The following AEN variants were observed in gnomAD, a reference collection of about 807,000 sequenced individuals.
AEN encodes apoptosis-enhancing nuclease.
In AEN, 21 loss-of-function variants were observed where a neutral mutation model predicts 17.7. The observed-to-expected ratio is 1.19, with a 90% CI of 0.84 to 1.71. The LOEUF is 1.71. Ranked by LOEUF, AEN falls within the 40% of genes most tolerant of loss-of-function variation. The pLI, the probability that AEN is intolerant of heterozygous loss-of-function variation, is 0.00. For missense variants in AEN, 462 were observed against 435.9 expected (o/e 1.06, Z -0.53); for synonymous variants, 190 against 173.0 (o/e 1.10, Z -0.77).
rs558175862 is a variant in AEN at position 88,626,043 on chromosome 15, C to A, written c.-64-103C>A. Reference sequence around the variant, plus strand: ...GAGCCACGAGCTACGGTGCAGGGCTCTCGGGCATCCCCACCGTGGTGCACT... The same window carrying A: ...GAGCCACGAGCTACGGTGCAGGGCTATCGGGCATCCCCACCGTGGTGCACT... On this transcript the variant is annotated intron_variant, in intron 1 of 3. Coordinates refer to ENST00000332810, the MANE Select transcript of AEN (RefSeq NM_022767.4). 6.8e-4 allele frequency: 486 copies of A among 717,408 alleles called. 2 individuals are homozygous for A. Among genetic ancestry groups the A allele is most frequent in the Non-Finnish European group, 9.4e-4 (449 of 477,898 alleles). 44.4% of individuals were successfully genotyped at this position (717,408 alleles called of 1,614,324 possible). A position where few individuals can be genotyped will look rare whatever the true frequency, so the allele number is the denominator to read the frequency against.
chr15:88,629,687 C>T (rs2057902521), intron 3 of AEN, among the ~76,000 whole-genome samples: 1 of 152,196 alleles, frequency 6.6e-6, no homozygotes, highest in Admixed American at 6.5e-5. Flanking sequence ...AGATCTGTCC[C>T]CTCCCTAACT....
At chr15:88,613,697 GGCTCCACTGCTTACGAGCTGTGTGACTTT>G in the AEN span, among the ~76,000 whole-genome samples, 2 of 152,108 alleles carry the variant, frequency 1.3e-5, no homozygotes, top group African/African-American at 4.8e-5. Flanking sequence ...TTTCAATCTT[GGCTCCACTGCTTACGAGCTGTGTGACTTT>G]GAGTCAGTCA....
At chr15:88,629,959 G>C (rs1355272551) in intron 3 of AEN, 99 bp from the exon 4 acceptor site, 2 of 1,070,380 alleles carry the variant, frequency 1.9e-6, no homozygotes, top group Non-Finnish European at 2.8e-6. Context: ...ACGTATTCTT[G>C]GGCCTGCACA....
upstream of AEN, among the ~76,000 whole-genome samples, chr15:88,619,660 C>T (rs2057765661): frequency 6.6e-6 from 1 of 152,124 alleles, no homozygotes; most frequent in Non-Finnish European, 1.5e-5. Flanking sequence ...TGCATTCCAG[C>T]CTGGGTGACA....
At chr15:88,609,564 T>C in the AEN span, among the ~76,000 whole-genome samples, 1 of 152,164 alleles carries the variant, frequency 6.6e-6, no homozygotes, top group Non-Finnish European at 1.5e-5. Flanking sequence ...GAGGAAACCA[T>C]GGAAACAAGC....
At chr15:88,617,346 G>C (rs148658363), upstream of AEN, among the ~76,000 whole-genome samples, 1 of 152,146 alleles carries the variant, frequency 6.6e-6, no homozygotes, top group East Asian at 1.9e-4. Flanking sequence ...CTCTATCTCC[G>C]GGGTGCAGGA....
chr15:88,622,711 A>G (rs1022248798), intron 1 of AEN, among the ~76,000 whole-genome samples: 1 of 152,182 alleles, frequency 6.6e-6, no homozygotes, highest in Non-Finnish European at 1.5e-5. Flanking sequence ...TCATGGGTTT[A>G]ATTTTAACTA....
upstream of AEN, among the ~76,000 whole-genome samples, chr15:88,620,645 G>A (rs1596025049): frequency 6.6e-6 from 1 of 151,920 alleles, no homozygotes; most frequent in East Asian, 1.9e-4. Flanking sequence ...CTGACTTCAG[G>A]TGATCACCTG....
At chr15:88,621,312 G>T (rs886303132), upstream of AEN, 3 of 152,522 alleles carry the variant, frequency 2.0e-5, no homozygotes, top group South Asian at 4.1e-4. Context: ...AGCCGGGCTT[G>T]CCCGGGCATG....
chr15:88,614,156 T>A, the AEN span, among the ~76,000 whole-genome samples: 1 of 152,194 alleles, frequency 6.6e-6, no homozygotes, highest in Non-Finnish European at 1.5e-5. Flanking sequence ...TTGTGACTTA[T>A]CTCTTGGTCA....
rs772270568 is a variant in AEN, at chr15:88,630,059, T to A, written c.743T>A (p.Val248Glu). The A allele has an allele frequency of 5.0e-6, 8 of 1,613,856 alleles. No individual in the cohort carries two copies. Among genetic ancestry groups the A allele is most frequent in the Non-Finnish European group, 6.8e-6 (8 of 1,179,992 alleles). Residue 248 changes from valine to glutamate, a missense_variant and splice_region_variant, in exon 4 of 4, where the codon GTG becomes GAG. Val to Glu is a moderately radical substitution (Grantham distance 121). Coordinates refer to ENST00000332810, the MANE Select transcript of AEN (RefSeq NM_022767.4). The surrounding 1 kb of genome is among the most constrained non-coding windows in gnomAD (Gnocchi z 5.1). ...ALQLLHKKIQ[V>E]GQHGHSSVED... ...TGATGTGTTGGCTCTCGTCAGTAGG[T>A]GGGCCAGCACGGGCACTCATCAGTA...
intron 1 of AEN, among the ~76,000 whole-genome samples, chr15:88,625,212 C>T (rs1245974830): frequency 1.3e-5 from 2 of 152,184 alleles, no homozygotes; most frequent in East Asian, 3.8e-4. Context: ...TGAATTACAA[C>T]GTCAGGTAAA....
At chr15:88,628,866 A>C in intron 2 of AEN, 1 of 213,154 alleles carries the variant, frequency 4.7e-6, no homozygotes. Context: ...AGGCCTGGTG[A>C]CGTCTTCCAG....
At chr15:88,618,562 TCTTTGA>T (rs1387738632), upstream of AEN, among the ~76,000 whole-genome samples, 1 of 152,212 alleles carries the variant, frequency 6.6e-6, no homozygotes, top group Non-Finnish European at 1.5e-5. Flanking sequence ...GGAAAATATA[TCTTTGA>T]AGGAGATGGA....
At chr15:88,612,993 T>G in the AEN span, among the ~76,000 whole-genome samples, 2 of 152,172 alleles carry the variant, frequency 1.3e-5, no homozygotes, top group Non-Finnish European at 2.9e-5. Context: ...CAGTGGAGAT[T>G]AATTTTCAAG....
chr15:88,626,826 T>C (rs59132084), intron 2 of AEN, 77 bp downstream of exon 2: 60,898 of 1,495,534 alleles, frequency 0.041, 1,446 homozygotes, highest in South Asian at 0.069. Context: ...ATCACCACTT[T>C]GCTTCACTGG....
At chr15:88,611,921 T>C in the AEN span, 1 of 503,902 alleles carries the variant, frequency 2.0e-6, no homozygotes, top group Middle Eastern at 4.1e-4. Flanking sequence ...TACCTAATGG[T>C]GCCAGCCATC....
At chr15:88,629,462 C>G in intron 3 of AEN, 36 bp downstream of exon 3, 1 of 1,601,122 alleles carries the variant, frequency 6.2e-7, no homozygotes, top group South Asian at 1.1e-5. Context: ...GGGAGGGAGG[C>G]CCGCCTGGCC....
At chr15:88,608,508 A>T in the AEN span, among the ~76,000 whole-genome samples, 1 of 152,184 alleles carries the variant, frequency 6.6e-6, no homozygotes, top group Non-Finnish European at 1.5e-5. Context: ...CTAAAAATAG[A>T]TAATTGGTCC....
Sources: gnomAD v4.1 joint callset for allele counts (sites outside exome capture counted in the v4.1 genomes callset) on GRCh38, gnomAD v4.1.1 for gene constraint, Gnocchi (gnomAD v3.1) non-coding constraint, MANE v1.5 for transcripts, NCBI Gene and HGNC (gene_info 2026-07-23, HGNC 2026-07-21) for gene names.